Variants in TFDP2 observed in about 807,000 individuals in gnomAD.
The protein encoded by TFDP2 is transcription factor Dp-2, also known as transcription factor Dp-2 (E2F dimerization partner 2).
Under a neutral mutation model 59.3 loss-of-function variants are expected in TFDP2, and 17 were observed. That is an observed-to-expected ratio of 0.29 (90% CI 0.20 to 0.43). TFDP2 has a LOEUF of 0.43. Ranked by LOEUF, TFDP2 falls within the 20% of genes least tolerant of loss-of-function variation. TFDP2 has a pLI of 1.00. For missense variants in TFDP2, 391 were observed against 528.8 expected, an observed-to-expected ratio of 0.74 and a Z score of 2.56; for synonymous variants, 180 against 194.7, an observed-to-expected ratio of 0.92 and a Z score of 0.63.
At chr3:142,015,031 A>T (rs943836378) in intron 3 of TFDP2, among the ~76,000 whole-genome samples, 1 of 152,102 alleles carries the variant, frequency 6.6e-6, no homozygotes, top group Non-Finnish European at 1.5e-5. Flanking sequence ...TCTACTCTTG[A>T]CACTTTTTAA....
chr3:142,006,818 C>A (rs1233732052), intron 3 of TFDP2, among the ~76,000 whole-genome samples: 1 of 151,884 alleles, frequency 6.6e-6, no homozygotes, highest in Non-Finnish European at 1.5e-5. Context: ...GCTCTGTCAC[C>A]CAGGCTGGAG....
intron 1 of TFDP2, among the ~76,000 whole-genome samples, chr3:142,118,319 GC>G (rs1383848277): frequency 6.6e-6 from 1 of 152,124 alleles, no homozygotes; most frequent in Non-Finnish European, 1.5e-5. Context: ...CAGACCATAT[GC>G]ATACAAATGT....
At chr3:141,972,777 A>G (rs1482634400) in intron 8 of TFDP2, among the ~76,000 whole-genome samples, 1 of 152,136 alleles carries the variant, frequency 6.6e-6, no homozygotes, top group African/African-American at 2.4e-5. Flanking sequence ...CCTTGGGGTC[A>G]GAGATTTGCC....
intron 2 of TFDP2, among the ~76,000 whole-genome samples, chr3:142,095,236 C>T (rs1348923963): frequency 3.9e-5 from 6 of 152,032 alleles, no homozygotes; most frequent in African/African-American, 1.5e-4. Context: ...GTGATCCACC[C>T]GTCTTGGCCT....
At chr3:142,025,616 G>A (rs1946015492) in intron 3 of TFDP2, among the ~76,000 whole-genome samples, 1 of 151,792 alleles carries the variant, frequency 6.6e-6, no homozygotes, top group African/African-American at 2.4e-5. Flanking sequence ...TCTGTTCTTT[G>A]ATCAGAATTG....
chr3:141,960,457 C>T (rs1200646786), intron 10 of TFDP2, among the ~76,000 whole-genome samples: 1 of 152,186 alleles, frequency 6.6e-6, no homozygotes, highest in Non-Finnish European at 1.5e-5. Flanking sequence ...AGCAGCCCAA[C>T]ACACGTTAAT....
intron 10 of TFDP2, among the ~76,000 whole-genome samples, chr3:141,962,453 G>A (rs1379849648): frequency 6.6e-6 from 1 of 151,720 alleles, no homozygotes; most frequent in Non-Finnish European, 1.5e-5. Flanking sequence ...CTGCCTCCCA[G>A]GTTCAAGCGT....
chr3:141,980,799 G>C (rs998204571), intron 6 of TFDP2, among the ~76,000 whole-genome samples: 3 of 152,146 alleles, frequency 2.0e-5, no homozygotes, highest in Non-Finnish European at 4.4e-5. Flanking sequence ...GCCTCCCAAA[G>C]TGCTGGGATT....
intron 3 of TFDP2, among the ~76,000 whole-genome samples, chr3:142,030,712 C>T (rs148488708): frequency 4.7e-4 from 71 of 151,484 alleles, no homozygotes; most frequent in African/African-American, 1.7e-3. Context: ...AATTAAACAT[C>T]CAAGTACTCA....
At chr3:141,967,373 A>G (rs1576486790) in intron 9 of TFDP2, among the ~76,000 whole-genome samples, 1 of 150,908 alleles carries the variant, frequency 6.6e-6, no homozygotes. Context: ...GCTCACTGCA[A>G]CCTCTGCCTC....
At chr3:141,968,577 A>C (rs1346750515) in intron 9 of TFDP2, among the ~76,000 whole-genome samples, 3 of 105,544 alleles carry the variant, frequency 2.8e-5, no homozygotes, top group African/African-American at 4.1e-5. Context: ...TATATAACAT[A>C]TATATCTCAT....
chr3:142,007,643 T>C (rs762111919), intron 3 of TFDP2, among the ~76,000 whole-genome samples: 1 of 152,168 alleles, frequency 6.6e-6, no homozygotes, highest in African/African-American at 2.4e-5. Flanking sequence ...ATCATCACAA[T>C]GTGGAATCAG....
rs756296588 is a variant in TFDP2 at position 141,944,999 on chromosome 3, C to T, written c.*7514G>A. 2 of 152,142 alleles carry T rather than the reference C, an allele frequency of 1.3e-5. No homozygotes were observed. Among genetic ancestry groups the T allele is most frequent in the Non-Finnish European group, 2.9e-5 (2 of 68,054 alleles). The allele number at this position is 152,142 out of a possible 1,614,324, so 9.4% of individuals were successfully genotyped here. On this transcript the variant is annotated 3_prime_UTR_variant, in exon 13 of 13. Coordinates refer to ENST00000489671, the MANE Select transcript of TFDP2 (RefSeq NM_001178139.2). ...AAATTGCTTAAAGCATGTGGCACCA[C>T]GATGTATCCTTCATGCAGAAAAAAG...
At chr3:141,979,935 G>T (rs542372714) in intron 6 of TFDP2, among the ~76,000 whole-genome samples, 1 of 150,902 alleles carries the variant, frequency 6.6e-6, no homozygotes, top group South Asian at 2.1e-4. Context: ...TGGATTCAGG[G>T]TCTCACTCTG....
At chr3:142,030,803 C>A (rs1481740993) in intron 3 of TFDP2, among the ~76,000 whole-genome samples, 1 of 132,462 alleles carries the variant, frequency 7.5e-6, no homozygotes, top group Non-Finnish European at 1.5e-5. Flanking sequence ...AGTGCAGTGG[C>A]GCGATCTCGG....
chr3:142,037,001 A>G (rs2108433111), intron 3 of TFDP2, among the ~76,000 whole-genome samples: 1 of 152,348 alleles, frequency 6.6e-6, no homozygotes, highest in South Asian at 2.1e-4. Flanking sequence ...AAGACTCTCT[A>G]TGACCTCGAG....
At position 142,093,056 on chromosome 3, in the gene TFDP2, CT is replaced by C; in HGVS notation, c.82+4del. 1.3e-6 allele frequency: 2 copies of C among 1,528,044 alleles called. No individual in the cohort carries two copies. Among genetic ancestry groups the C allele is most frequent in the Non-Finnish European group, 1.7e-6 (2 of 1,143,486 alleles). 94.7% of individuals were successfully genotyped at this position (1,528,044 alleles called of 1,614,324 possible). A position where few individuals can be genotyped will look rare whatever the true frequency, so the allele number is the denominator to read the frequency against. ...TTCAGAAAAATTTTATTCAATAATC[CT>C]TACCTTTTGTTGGACTGAGATTCTG... On this transcript the variant is annotated splice_donor_region_variant and intron_variant, in intron 3 of 12. Transcript: ENST00000489671.
At chr3:142,149,154 C>G (rs1252642672) in intron 1 of TFDP2, 29 bp downstream of exon 1, 1 of 397,690 alleles carries the variant, frequency 2.5e-6, no homozygotes, top group Non-Finnish European at 4.4e-6. Flanking sequence ...CCTCCGCGCG[C>G]GGGCCCGCGC....
At chr3:142,044,001 T>G in intron 3 of TFDP2, 1 of 699,508 alleles carries the variant, frequency 1.4e-6, no homozygotes, top group Admixed American at 2.0e-5. Flanking sequence ...GGCCAAGGTC[T>G]TTTTCCGGCA....
Sources: allele counts gnomAD v4.1 joint callset (sites outside exome capture counted in the v4.1 genomes callset), GRCh38; gene constraint gnomAD v4.1.1; transcripts MANE v1.5; gene names NCBI Gene and HGNC (gene_info 2026-07-23, HGNC 2026-07-21).